ANKH: variants seen among roughly 807,000 people sequenced by gnomAD.
ANKH encodes mineralization regulator ANKH.
Under a neutral mutation model 49.0 loss-of-function variants are expected in ANKH, and 15 were observed. The observed-to-expected ratio is 0.31, with a 90% CI of 0.20 to 0.47. ANKH has a LOEUF of 0.47. ANKH is among the 20% of genes least tolerant of loss of function. The probability of loss-of-function intolerance (pLI) is 1.00; values close to 1 mark genes in which losing one functional copy is unlikely to be tolerated. For missense variants in ANKH, 429 were observed against 652.0 expected, an observed-to-expected ratio of 0.66 and a Z score of 3.72; for synonymous variants, 273 against 260.0, an observed-to-expected ratio of 1.05 and a Z score of -0.48.
chr5:14,785,465 C>T (rs1290041401), intron 1 of ANKH, among the ~76,000 whole-genome samples: 2 of 152,164 alleles, frequency 1.3e-5, no homozygotes, highest in Non-Finnish European at 2.9e-5. Context: ...CCCCGTTCAC[C>T]TTCTGCCATG....
chr5:14,754,790 A>G (rs979987191), intron 4 of ANKH, among the ~76,000 whole-genome samples: 9 of 152,134 alleles, frequency 5.9e-5, no homozygotes, highest in Non-Finnish European at 1.2e-4. Context: ...TAGAATAGAA[A>G]TGAGACTGGG....
At chr5:14,795,586 C>A (rs534239215) in intron 1 of ANKH, among the ~76,000 whole-genome samples, 1 of 152,168 alleles carries the variant, frequency 6.6e-6, no homozygotes, top group Non-Finnish European at 1.5e-5. Context: ...TGGTGGCTCA[C>A]GCCTGTAATC....
At chr5:14,805,487 CACACACACACACACACACACGTATAT>C (rs1740683529) in intron 1 of ANKH, among the ~76,000 whole-genome samples, 1 of 130,874 alleles carries the variant, frequency 7.6e-6, no homozygotes, top group African/African-American at 2.9e-5. Context: ...TTATAGGATA[CACACACACACACACACACACGTATAT>C]ATACACATAC....
At chr5:14,827,784 T>C (rs1201120652) in intron 1 of ANKH, among the ~76,000 whole-genome samples, 2 of 152,220 alleles carry the variant, frequency 1.3e-5, no homozygotes, top group Non-Finnish European at 2.9e-5. Flanking sequence ...CACTGAGTGC[T>C]GATAACTCAG....
At chr5:14,764,603 C>T (rs1739199896) in intron 2 of ANKH, among the ~76,000 whole-genome samples, 1 of 152,204 alleles carries the variant, frequency 6.6e-6, no homozygotes, top group Admixed American at 6.5e-5. Context: ...GTGTTTTGAG[C>T]CACTGAGGAT....
At chr5:14,718,783 C>T (rs549112279) in intron 8 of ANKH, among the ~76,000 whole-genome samples, 53 of 150,294 alleles carry the variant, frequency 3.5e-4, no homozygotes, top group African/African-American at 1.1e-3. Flanking sequence ...GCACTCCATG[C>T]ACTCCAGCCT....
At chr5:14,712,678 C>T (rs1737271298) in intron 11 of ANKH, among the ~76,000 whole-genome samples, 196 bp downstream of exon 11, 4 of 152,234 alleles carry the variant, frequency 2.6e-5, no homozygotes, top group Admixed American at 2.6e-4. Context: ...TCTGTACTTG[C>T]TGCCTTCAGC....
chr5:14,794,698 A>G (rs1740316199), intron 1 of ANKH, among the ~76,000 whole-genome samples: 1 of 152,230 alleles, frequency 6.6e-6, no homozygotes, highest in Non-Finnish European at 1.5e-5. Flanking sequence ...TCAGAAGCAG[A>G]TGAGAGAGCT....
intron 5 of ANKH, among the ~76,000 whole-genome samples, 193 bp downstream of exon 5, chr5:14,750,876 A>G (rs1407155697): frequency 6.6e-6 from 1 of 152,188 alleles, no homozygotes; most frequent in Non-Finnish European, 1.5e-5. Flanking sequence ...ATCTCAGATC[A>G]CATCCATCTG....
At position 14,769,123 on chromosome 5, in the gene ANKH, CGCCAGCCCGTA is replaced by C. The variant is rs1561046739; in HGVS notation, c.154_164del (p.Tyr52ValfsTer13). ...CCGTGAAGAACTTCATGAGGGAGTA[CGCCAGCCCGTA>C]GCTGGCCAGCATCTCGACTGCATCC... On this transcript the variant is annotated frameshift_variant, in exon 2 of 12. Transcript: ENST00000284268. LOFTEE classifies it high-confidence loss of function. The C allele has an allele frequency of 6.2e-7, 1 of 1,614,100 alleles. No individual in the cohort carries two copies. The highest frequency in any genetic ancestry group is 1.7e-5 in the Admixed American group (1 of 60,020).
chr5:14,778,722 T>C (rs909143092), intron 1 of ANKH, among the ~76,000 whole-genome samples: 2 of 152,208 alleles, frequency 1.3e-5, no homozygotes, highest in Admixed American at 6.5e-5. Context: ...GGGTCATCAC[T>C]TAACCCCACT....
intron 8 of ANKH, among the ~76,000 whole-genome samples, chr5:14,734,033 A>G (rs1738089841): frequency 6.6e-6 from 1 of 152,224 alleles, no homozygotes; most frequent in Non-Finnish European, 1.5e-5. Context: ...GAGTGACTTC[A>G]CCATTTGTGT....
At chr5:14,763,917 C>T (rs1003904709) in intron 2 of ANKH, among the ~76,000 whole-genome samples, 34 of 151,818 alleles carry the variant, frequency 2.2e-4, no homozygotes, top group African/African-American at 7.0e-4. Context: ...AGTGAAACCT[C>T]GTCTCTACTA....
rs1736944326 is a variant in ANKH, at chr5:14,706,289, T to C, written c.*4908A>G. The stretch of plus-strand genomic sequence containing the variant: ...AAGTGCATATATCTTATGCAGTCTT[T>C]TAGAGATCCTGGTTGATTGCAAATG... On this transcript the variant is annotated 3_prime_UTR_variant, in exon 12 of 12. Coordinates refer to ENST00000284268, the MANE Select transcript of ANKH (RefSeq NM_054027.6). The C allele has an allele frequency of 6.6e-6, 1 of 152,220 alleles. No individual in the cohort carries two copies. Among genetic ancestry groups the C allele is most frequent in the Admixed American group, 6.5e-5 (1 of 15,284 alleles). The allele number at this position is 152,220 out of a possible 1,614,324, so 9.4% of individuals were successfully genotyped here.
chr5:14,814,027 C>T (rs912296140), intron 1 of ANKH, among the ~76,000 whole-genome samples: 3 of 152,198 alleles, frequency 2.0e-5, no homozygotes, highest in African/African-American at 7.2e-5. Context: ...CTCCTAATTT[C>T]CACCTTATCC....
chr5:14,752,717 G>A (rs868513151), intron 4 of ANKH, among the ~76,000 whole-genome samples: 4 of 149,786 alleles, frequency 2.7e-5, no homozygotes, highest in Middle Eastern at 3.5e-3. Context: ...TGGTGGGAAA[G>A]AGTGTGTGAC....
intron 8 of ANKH, among the ~76,000 whole-genome samples, chr5:14,724,851 CTTAT>C (rs1168773914): frequency 2.6e-5 from 4 of 152,150 alleles, no homozygotes; most frequent in African/African-American, 9.7e-5. Flanking sequence ...GTGCTCGGGT[CTTAT>C]TTAATTTCCA....
intron 3 of ANKH, among the ~76,000 whole-genome samples, chr5:14,756,188 A>G (rs774398500): frequency 7.2e-5 from 11 of 152,198 alleles, no homozygotes; most frequent in Non-Finnish European, 1.3e-4. Flanking sequence ...AATTGTATGT[A>G]GACTAGTGCG....
intron 1 of ANKH, among the ~76,000 whole-genome samples, chr5:14,835,468 G>T (rs1196601391): frequency 6.6e-6 from 1 of 152,122 alleles, no homozygotes; most frequent in African/African-American, 2.4e-5. Flanking sequence ...AGACATCTCA[G>T]TGCGTTCAGT....
Sources: allele counts gnomAD v4.1 joint callset (sites outside exome capture counted in the v4.1 genomes callset), GRCh38; gene constraint gnomAD v4.1.1; transcripts MANE v1.5; gene names NCBI Gene and HGNC (gene_info 2026-07-23, HGNC 2026-07-21).